Variants in PTPRD observed in about 807,000 individuals in gnomAD.
The protein encoded by PTPRD is protein tyrosine phosphatase receptor type D.
Under a neutral mutation model 214.5 loss-of-function variants are expected in PTPRD, and 34 were observed. That is an observed-to-expected ratio of 0.16 (90% CI 0.12 to 0.21). PTPRD has a LOEUF of 0.21. Ranked by LOEUF, PTPRD falls within the 10% of genes least tolerant of loss-of-function variation. The pLI is 1.00. For synonymous variants in PTPRD, 1,128 were observed against 845.7 expected (o/e 1.33, Z -5.79); for missense variants, 2,545 against 2,398.7 (o/e 1.06, Z -1.27).
intron 5 of PTPRD, among the ~76,000 whole-genome samples, chr9:9,791,344 T>A (rs1027390762): frequency 5.3e-5 from 8 of 152,140 alleles, no homozygotes; most frequent in Non-Finnish European, 1.2e-4. Context: ...ATGTTTTTTT[T>A]AAGCTGAAAT....
chr9:10,229,451 C>T, intron 3 of PTPRD, among the ~76,000 whole-genome samples: 1 of 151,988 alleles, frequency 6.6e-6, no homozygotes, highest in Non-Finnish European at 1.5e-5. Flanking sequence ...TGGAACCAAC[C>T]CAAATGTCCA....
At chr9:9,919,618 G>A (rs997947929) in intron 5 of PTPRD, among the ~76,000 whole-genome samples, 3 of 152,144 alleles carry the variant, frequency 2.0e-5, no homozygotes, top group Non-Finnish European at 4.4e-5. Context: ...GCAGCAGATG[G>A]AAATGGAAAT....
chr9:9,316,007 C>T (rs1016549841), intron 9 of PTPRD, among the ~76,000 whole-genome samples: 2 of 151,628 alleles, frequency 1.3e-5, no homozygotes, highest in South Asian at 4.2e-4. Flanking sequence ...ATAAAGTATA[C>T]CAGTATGCAA....
chr9:8,968,146 G>A (rs981557614), intron 11 of PTPRD, among the ~76,000 whole-genome samples: 4 of 151,978 alleles, frequency 2.6e-5, no homozygotes, highest in African/African-American at 9.7e-5. Context: ...TCTTAATCCA[G>A]TCTATCATTG....
intron 10 of PTPRD, among the ~76,000 whole-genome samples, chr9:9,057,576 A>C (rs1347444342): frequency 6.6e-6 from 1 of 152,138 alleles, no homozygotes; most frequent in Non-Finnish European, 1.5e-5. Context: ...TGAATGAAAA[A>C]GGATTCAGAG....
chr9:10,512,041 TATAC>T (rs1304266607), intron 2 of PTPRD, among the ~76,000 whole-genome samples: 2 of 143,214 alleles, frequency 1.4e-5, no homozygotes, highest in African/African-American at 5.2e-5. Flanking sequence ...TATATATATA[TATAC>T]ACACACGTAT....
rs373248301 is a variant in PTPRD at position 9,024,356 on chromosome 9, T to TTTG, written c.-142-5622_-142-5621insCAA. ...ATTCTTTGTTTTTTTTTGTTTGTTT[T>TTTG]TTTTTTTTTCCTGTATAAACAGCCT... On this transcript the variant is annotated intron_variant, in intron 10 of 45. Transcript: ENST00000381196. Among the ~76,000 whole-genome samples the TTTG allele has an allele frequency of 7.1e-4, 105 of 147,164 alleles. 1 individual carries two copies. The highest frequency in any genetic ancestry group is 3.5e-3 in the Middle Eastern group (1 of 284).
chr9:8,989,735 T>C (rs1008514930), intron 11 of PTPRD, among the ~76,000 whole-genome samples: 1 of 152,158 alleles, frequency 6.6e-6, no homozygotes, highest in Non-Finnish European at 1.5e-5. Flanking sequence ...AAAAAAATTA[T>C]AAGCGATTCT....
intron 9 of PTPRD, among the ~76,000 whole-genome samples, chr9:9,259,087 A>T (rs2099978988): frequency 6.6e-6 from 1 of 151,678 alleles, no homozygotes; most frequent in South Asian, 2.1e-4. Flanking sequence ...TGCTCCTCTT[A>T]CCCATTCCCA....
intron 5 of PTPRD, among the ~76,000 whole-genome samples, chr9:9,919,457 G>C (rs2081930825): frequency 6.6e-6 from 1 of 152,058 alleles, no homozygotes; most frequent in African/African-American, 2.4e-5. Context: ...AGTGAACTCA[G>C]TTTCCCACCC....
intron 9 of PTPRD, among the ~76,000 whole-genome samples, chr9:9,240,517 A>T (rs1430056197): frequency 2.0e-5 from 3 of 152,154 alleles, no homozygotes. Flanking sequence ...CTAGAAATAC[A>T]AAAATTAGCT....
At chr9:8,924,323 A>G (rs985506607) in intron 11 of PTPRD, among the ~76,000 whole-genome samples, 5 of 152,196 alleles carry the variant, frequency 3.3e-5, no homozygotes, top group African/African-American at 7.2e-5. Flanking sequence ...TGAATTCTCA[A>G]TAGTTCCTCA....
intron 10 of PTPRD, among the ~76,000 whole-genome samples, chr9:9,095,936 C>A (rs1252201617): frequency 6.6e-6 from 1 of 152,156 alleles, no homozygotes; most frequent in East Asian, 1.9e-4. Context: ...AGAACGAGAT[C>A]TTGCCATTTG....
At chr9:9,784,763 ATG>A (rs141712829) in intron 5 of PTPRD, among the ~76,000 whole-genome samples, 5,330 of 151,474 alleles carry the variant, frequency 0.035, 140 homozygotes, top group Non-Finnish European at 0.059. Context: ...TTAAAATTTT[ATG>A]TGTGTGTGTA....
intron 10 of PTPRD, among the ~76,000 whole-genome samples, chr9:9,035,153 T>C (rs1208489922): frequency 3.3e-5 from 5 of 152,138 alleles, no homozygotes; most frequent in Non-Finnish European, 7.4e-5. Flanking sequence ...TGTGGTCCTC[T>C]GCTCAGTGAA....
chr9:8,717,609 T>C (rs1270931849), intron 12 of PTPRD, among the ~76,000 whole-genome samples: 4 of 152,186 alleles, frequency 2.6e-5, no homozygotes, highest in Non-Finnish European at 4.4e-5. Context: ...CCCTAGTAAT[T>C]TGTAATACTC....
At chr9:10,216,574 G>T (rs1041453004) in intron 3 of PTPRD, among the ~76,000 whole-genome samples, 1 of 151,596 alleles carries the variant, frequency 6.6e-6, no homozygotes, top group Non-Finnish European at 1.5e-5. Context: ...TTTTTGTTTG[G>T]GTCAATATTA....
At chr9:8,819,843 G>C (rs1276203722) in intron 11 of PTPRD, among the ~76,000 whole-genome samples, 1 of 152,122 alleles carries the variant, frequency 6.6e-6, no homozygotes, top group African/African-American at 2.4e-5. Flanking sequence ...CAATCAGAGA[G>C]CACAAAACGA....
chr9:10,084,666 A>T (rs2098299257), intron 3 of PTPRD, among the ~76,000 whole-genome samples: 1 of 151,104 alleles, frequency 6.6e-6, no homozygotes, highest in South Asian at 2.1e-4. Context: ...TTTAAATAAT[A>T]TTTTTTTTTA....
Sources: gnomAD v4.1 joint callset for allele counts (sites outside exome capture counted in the v4.1 genomes callset) on GRCh38, gnomAD v4.1.1 for gene constraint, MANE v1.5 for transcripts, NCBI Gene and HGNC (gene_info 2026-07-23, HGNC 2026-07-21) for gene names.